The following PRKN variants were observed in gnomAD, a reference collection of about 807,000 sequenced individuals.
The protein encoded by PRKN is parkin RBR E3 ubiquitin protein ligase, also known as E3 ubiquitin-protein ligase parkin.
PRKN carries 56 observed loss-of-function variants against 59.5 expected under a neutral mutation model. The observed-to-expected ratio is 0.94, with a 90% confidence interval of 0.76 to 1.18. The LOEUF (loss-of-function observed/expected upper bound fraction) is 1.18. Among genes scored for constraint, PRKN ranks in the 50% most tolerant of loss-of-function variants. The probability of loss-of-function intolerance (pLI) is 0.00; values close to 1 mark genes in which losing one functional copy is unlikely to be tolerated. For missense variants in PRKN, 657 were observed against 596.4 expected (o/e 1.10, Z -1.06); for synonymous variants, 250 against 222.1 (o/e 1.13, Z -1.12).
At chr6:162,409,644 ATAATT>A (rs754691329) in intron 2 of PRKN, among the ~76,000 whole-genome samples, 4 of 152,240 alleles carry the variant, frequency 2.6e-5, no homozygotes, top group African/African-American at 4.8e-5. Context: ...TATCAAGCAT[ATAATT>A]TAAAGTTGTA....
chr6:162,305,804 C>T (rs988178153), intron 2 of PRKN, among the ~76,000 whole-genome samples: 3 of 151,914 alleles, frequency 2.0e-5, no homozygotes, highest in Admixed American at 6.6e-5. Flanking sequence ...TGTAAGTATA[C>T]TGAAAATTCT....
Position 162,290,268 on chromosome 6 carries a change from T to C in PRKN, c.172-27503A>G, listed in dbSNP as rs75215050. Among the ~76,000 whole-genome samples, 914 of 152,300 alleles carry C rather than the reference T, an allele frequency of 6.0e-3. 27 individuals carry two copies. Among genetic ancestry groups the C allele is most frequent in the Non-Finnish European group, 2.9e-3 (199 of 68,032 alleles). On this transcript the variant is annotated intron_variant, in intron 2 of 11. Coordinates refer to ENST00000366898, the MANE Select transcript of PRKN (RefSeq NM_004562.3). ...CCCTGCAGCAGGTCAAGTATAGTTG[T>C]TTGCTTTAATATAAGATATCTGTTG...
At chr6:162,098,328 G>A (rs1220211589) in intron 4 of PRKN, among the ~76,000 whole-genome samples, 1 of 152,198 alleles carries the variant, frequency 6.6e-6, no homozygotes. Context: ...GCAACTGGGA[G>A]TGGGCATACC....
chr6:162,327,768 A>T (rs1783362263), intron 2 of PRKN, among the ~76,000 whole-genome samples: 2 of 152,182 alleles, frequency 1.3e-5, no homozygotes, highest in South Asian at 4.1e-4. Flanking sequence ...TTCGGAGATC[A>T]GACCGTTATG....
intron 1 of PRKN, among the ~76,000 whole-genome samples, chr6:162,532,154 C>G (rs546320738): frequency 4.7e-4 from 26 of 55,576 alleles, no homozygotes; most frequent in Middle Eastern, 0.017. Flanking sequence ...GTATCTCCCC[C>G]CAACTCCTCT....
chr6:161,415,845 C>T (rs1158589696), intron 9 of PRKN, among the ~76,000 whole-genome samples: 3 of 151,942 alleles, frequency 2.0e-5, no homozygotes, highest in Non-Finnish European at 2.9e-5. Flanking sequence ...GTCCCTCTCT[C>T]CCCACAGTGT....
At chr6:162,098,128 G>A (rs572824784) in intron 4 of PRKN, among the ~76,000 whole-genome samples, 1 of 152,078 alleles carries the variant, frequency 6.6e-6, no homozygotes, top group Non-Finnish European at 1.5e-5. Context: ...TTTTTTGCTT[G>A]TTAATGTGGC....
At chr6:161,427,050 C>T (rs550493733) in intron 9 of PRKN, among the ~76,000 whole-genome samples, 1 of 151,792 alleles carries the variant, frequency 6.6e-6, no homozygotes, top group East Asian at 1.9e-4. Flanking sequence ...CAGGGTTTTA[C>T]TCTGGTCCAC....
intron 4 of PRKN, among the ~76,000 whole-genome samples, chr6:162,186,111 T>A (rs1784019451): frequency 2.0e-5 from 3 of 152,150 alleles, no homozygotes; most frequent in Admixed American, 2.0e-4. Flanking sequence ...TTCACATGGT[T>A]ATTAAATCAA....
At chr6:161,729,253 C>T (rs955552389) in intron 7 of PRKN, among the ~76,000 whole-genome samples, 1 of 152,138 alleles carries the variant, frequency 6.6e-6, no homozygotes, top group African/African-American at 2.4e-5. Flanking sequence ...ACTCTAATAA[C>T]ACCACTAGGT....
chr6:162,588,562 T>G (rs1486749040), intron 1 of PRKN, among the ~76,000 whole-genome samples: 2 of 151,964 alleles, frequency 1.3e-5, no homozygotes, highest in African/African-American at 2.4e-5. Flanking sequence ...TCATTTTTCT[T>G]TTTTTTGGAG....
intron 4 of PRKN, among the ~76,000 whole-genome samples, chr6:162,171,158 C>A (rs1004492198): frequency 1.3e-5 from 2 of 151,688 alleles, no homozygotes; most frequent in Admixed American, 1.3e-4. Context: ...GCAGGAACTA[C>A]GCATTGCAAC....
chr6:162,046,852 T>G (rs888019463), intron 5 of PRKN, among the ~76,000 whole-genome samples: 1 of 152,048 alleles, frequency 6.6e-6, no homozygotes, highest in African/African-American at 2.4e-5. Context: ...ATTTGCAAAA[T>G]TTAAGCTAAT....
intron 1 of PRKN, among the ~76,000 whole-genome samples, chr6:162,693,522 T>C (rs1205409570): frequency 6.6e-6 from 1 of 152,176 alleles, no homozygotes; most frequent in Non-Finnish European, 1.5e-5. Context: ...CAGCATTGAA[T>C]ACAATCACCA....
At chr6:162,704,385 C>T (rs1778266376) in intron 1 of PRKN, among the ~76,000 whole-genome samples, 1 of 152,108 alleles carries the variant, frequency 6.6e-6, no homozygotes, top group African/African-American at 2.4e-5. Context: ...AGATTGAGCA[C>T]CAGGGATGAA....
At chr6:162,675,668 T>C (rs1323090984) in intron 1 of PRKN, among the ~76,000 whole-genome samples, 1 of 152,190 alleles carries the variant, frequency 6.6e-6, no homozygotes, top group African/African-American at 2.4e-5. Context: ...AGAGATACTA[T>C]GTGTCTGGAT....
At position 162,045,464 on chromosome 6, in the gene PRKN, T is replaced by C. The variant is rs568379420; in HGVS notation, c.618+8627A>G. 5.3e-5 allele frequency among the ~76,000 whole-genome samples: 8 copies of C among 152,286 alleles called. No individual in the cohort carries two copies. The East Asian group carries it at 1.4e-3, about 26-fold the overall frequency. On this transcript the variant is annotated intron_variant, in intron 5 of 11. Transcript: ENST00000366898. Reference sequence around the variant, plus strand: ...ACTATGTTCCTTTCTCCAAGAAACATTAGTGGAAGGGAGTGTTTCACCACA... The same window carrying C: ...ACTATGTTCCTTTCTCCAAGAAACACTAGTGGAAGGGAGTGTTTCACCACA...
At chr6:162,505,529 C>A (rs1793570387) in intron 1 of PRKN, among the ~76,000 whole-genome samples, 1 of 152,142 alleles carries the variant, frequency 6.6e-6, no homozygotes, top group African/African-American at 2.4e-5. Flanking sequence ...AAGCTCCCTT[C>A]CCCCATGTCA....
intron 1 of PRKN, among the ~76,000 whole-genome samples, chr6:162,453,489 C>T (rs753853167): frequency 2.0e-5 from 3 of 152,132 alleles, no homozygotes; most frequent in Non-Finnish European, 4.4e-5. Flanking sequence ...GTGGCTAAGA[C>T]CATGGATGTT....
Sources: allele counts gnomAD v4.1 joint callset (sites outside exome capture counted in the v4.1 genomes callset), GRCh38; gene constraint gnomAD v4.1.1; transcripts MANE v1.5; gene names NCBI Gene and HGNC (gene_info 2026-07-23, HGNC 2026-07-21).